KRT85: variants seen among roughly 807,000 people sequenced by gnomAD.
KRT85 encodes the protein keratin 85, also known as keratin, type II cuticular Hb5.
Under a neutral mutation model 53.7 loss-of-function variants are expected in KRT85, and 39 were observed. The observed-to-expected ratio is 0.73, with a 90% confidence interval of 0.56 to 0.95. The LOEUF (loss-of-function observed/expected upper bound fraction) is 0.95, where lower values mean the gene tolerates loss of function less well. Ranked by LOEUF, KRT85 falls within the 40% of genes least tolerant of loss-of-function variation. KRT85 has a pLI of 0.00. For missense variants in KRT85, 668 were observed against 686.0 expected (o/e 0.97, Z 0.29); for synonymous variants, 291 against 277.5 (o/e 1.05, Z -0.48).
chr12:52,364,341 C>T lies in KRT85; in HGVS notation c.655G>A (p.Ala219Thr). 6.2e-7 allele frequency: 1 copy of T among 1,614,196 alleles called. No homozygotes were observed. Among genetic ancestry groups the T allele is most frequent in the South Asian group, 1.1e-5 (1 of 91,080 alleles). The stretch of plus-strand genomic sequence containing the variant: ...ACGACAAACTCATTCTCTGCTGTGG[C>T]TCTCAGGGCCACCTCCTCTTCATAC... ...KKYEEEVALRATAENEFVVLK... is the reference protein window; with the variant it reads ...KKYEEEVALRTTAENEFVVLK... The change falls in exon 3 of 9, where the codon GCC becomes ACC. Residue 219 changes from alanine (A) to threonine (T), a missense_variant. Ala to Thr is a moderately conservative substitution (Grantham distance 58). Around this residue, in one of 3 missense-constraint regions of KRT85, gnomAD observed 488 missense variants for 498.1 expected, o/e 0.98. Coordinates refer to ENST00000257901, the MANE Select transcript of KRT85 (RefSeq NM_002283.4).
chr12:52,365,036 G>T lies in KRT85; in HGVS notation c.555C>A (p.Cys185Ter). 6.2e-7 allele frequency: 1 copy of T among 1,613,376 alleles called. No individual in the cohort carries two copies. The highest frequency in any genetic ancestry group is 8.5e-7 in the Non-Finnish European group (1 of 1,180,024). ...YIETLRREAE[C>*]VEADSGRLAS... Reference sequence around the variant, plus strand: ...CCAGCCTCCCGCTGTCGGCCTCCACGCACTCGGCCTCCCGCCGCAGAGTCT... The same window carrying T: ...CCAGCCTCCCGCTGTCGGCCTCCACTCACTCGGCCTCCCGCCGCAGAGTCT... Residue 185 changes from cysteine (C) to a stop codon, truncating the protein, a stop_gained, in exon 2 of 9, where the codon TGC (cysteine) becomes TGA (stop). Transcript: ENST00000257901. LOFTEE classifies it high-confidence loss of function.
At position 52,360,765 on chromosome 12, in the gene KRT85, C is replaced by G; in HGVS notation, c.*88G>C. 7.1e-7 allele frequency: 1 copy of G among 1,402,554 alleles called. No homozygotes were observed. The allele number at this position is 1,402,554 out of a possible 1,614,324, so 86.9% of individuals were successfully genotyped here. On this transcript the variant is annotated 3_prime_UTR_variant, in exon 9 of 9. Transcript: ENST00000257901. ...AGGAACATCCAGAAGATTCTGGAAG[C>G]AAGCACACATTTTCCATTCACATGC...
chr12:52,364,485 G>T, intron 2 of KRT85, 119 bp from the exon 3 acceptor site: 1 of 1,571,812 alleles, frequency 6.4e-7, no homozygotes, highest in South Asian at 1.2e-5. Flanking sequence ...ATGTTGTCTT[G>T]GCCCCTCCAG....
intron 5 of KRT85, 83 bp from the exon 6 acceptor site, chr12:52,363,062 A>G: frequency 6.2e-7 from 1 of 1,606,624 alleles, no homozygotes; most frequent in Non-Finnish European, 8.5e-7. Context: ...TACAGGTTGT[A>G]CGGTGCTCAG....
At position 52,360,956 on chromosome 12, in the gene KRT85, A is replaced by G; in HGVS notation, c.1421T>C (p.Ile474Thr). The change falls in exon 9 of 9, where the codon ATA (isoleucine) becomes ACA (threonine). Residue 474 changes from isoleucine (I) to threonine (T), a missense_variant. This residue lies in a region of KRT85 where 488 missense variants were observed against 498.1 expected (regional missense o/e 0.98). Transcript: ENST00000257901. The part of the protein sequence containing the change: ...GRQITSGPSA[I>T]GGSITVVAPD... Reference sequence around the variant, plus strand: ...GGCCACCACCGTGATGCTGCCGCCTATGGCTGAGGGGCCAGAAGTGATCTG... The same window carrying G: ...GGCCACCACCGTGATGCTGCCGCCTGTGGCTGAGGGGCCAGAAGTGATCTG... 1.2e-6 allele frequency: 2 copies of G among 1,613,332 alleles called. No individual in the cohort carries two copies. The highest frequency in any genetic ancestry group is 1.7e-6 in the Non-Finnish European group (2 of 1,179,946).
chr12:52,364,671 A>T, intron 2 of KRT85: 1 of 1,437,698 alleles, frequency 7.0e-7, no homozygotes, highest in Non-Finnish European at 9.1e-7. Flanking sequence ...GAGATCACAG[A>T]GCCCATGTCA....
chr12:52,364,887 C>G, intron 2 of KRT85, 75 bp downstream of exon 2: 1 of 1,610,192 alleles, frequency 6.2e-7, no homozygotes, highest in East Asian at 2.2e-5. Flanking sequence ...GAAGCTGTGG[C>G]AAGAGGGCTA....
At chr12:52,364,414 A>G (rs1939242004) in intron 2 of KRT85, 48 bp from the exon 3 acceptor site, 1 of 1,614,002 alleles carries the variant, frequency 6.2e-7, no homozygotes, top group Non-Finnish European at 8.5e-7. Context: ...TGGACCTTGA[A>G]TACCATCCCA....
At position 52,361,013 on chromosome 12, in the gene KRT85, C is replaced by G. The variant is rs935922035; in HGVS notation, c.1364G>C (p.Gly455Ala). The part of the protein sequence containing the change: ...VSSSRGGVSC[G>A]GLSYSTTPGR... Reference sequence around the variant, plus strand: ...TGGGGTGGTGCTGTAGGAGAGGCCCCCACAGGAGACTCCACCACGGGAGCT... The same window carrying G: ...TGGGGTGGTGCTGTAGGAGAGGCCCGCACAGGAGACTCCACCACGGGAGCT... Residue 455 changes from glycine to alanine, a missense_variant, in exon 9 of 9, where the codon GGG (glycine) becomes GCG (alanine). This residue lies in a region of KRT85 where 488 missense variants were observed against 498.1 expected (regional missense o/e 0.98). Coordinates refer to ENST00000257901, the MANE Select transcript of KRT85 (RefSeq NM_002283.4). The G allele has an allele frequency of 5.6e-6, 9 of 1,613,344 alleles. No individual in the cohort carries two copies. Among genetic ancestry groups the G allele is most frequent in the African/African-American group, 1.3e-5 (1 of 74,882 alleles).
chr12:52,361,962 G>T (rs555914135), intron 7 of KRT85, among the ~76,000 whole-genome samples: 2 of 152,274 alleles, frequency 1.3e-5, no homozygotes, highest in Admixed American at 1.3e-4. Flanking sequence ...CAGCTCTTCT[G>T]CTTATTAACT....
At chr12:52,365,290 C>A (rs575934446) in intron 1 of KRT85, 120 bp from the exon 2 acceptor site, 2 of 1,100,056 alleles carry the variant, frequency 1.8e-6, no homozygotes, top group Admixed American at 3.9e-5. Flanking sequence ...TGAGTGTCTG[C>A]GGCTCAAGGG....
intron 8 of KRT85, 149 bp from the exon 9 acceptor site, chr12:52,361,195 T>A: frequency 1.2e-6 from 1 of 818,958 alleles, no homozygotes; most frequent in Non-Finnish European, 2.0e-6. Flanking sequence ...GCACAGCCCA[T>A]CTAGGGAACT....
At position 52,367,315 on chromosome 12, in the gene KRT85, G is replaced by C. The variant is rs752217996; in HGVS notation, c.91C>G (p.Arg31Gly). ...TAGGGGGCGGCGCTGATGCAGCAGC[G>C]GTTGCCAGTTTTGGGGGCCACAGCT... ...CSAVAPKTGN[R>G]CCISAAPYRG... Residue 31 changes from arginine to glycine, a missense_variant, in exon 1 of 9, where the codon CGC (arginine) becomes GGC (glycine). Around this residue, in one of 3 missense-constraint regions of KRT85, gnomAD observed 158 missense variants for 141.8 expected, o/e 1.11. Transcript: ENST00000257901. 3.7e-6 allele frequency: 6 copies of C among 1,613,932 alleles called. No homozygotes were observed. In the Admixed American group the frequency reaches 8.3e-5, roughly 22 times the overall value.
rs1041253015 is a variant in KRT85 at position 52,360,807 on chromosome 12, G to T, written c.*46C>A. On this transcript the variant is annotated 3_prime_UTR_variant, in exon 9 of 9. Coordinates refer to ENST00000257901, the MANE Select transcript of KRT85 (RefSeq NM_002283.4). ...TTCACATGCCATTCAGTGCAGTGAT[G>T]CAGGCAGGCAGGTGCTTGGCAGGAA... The T allele has an allele frequency of 2.6e-6, 4 of 1,553,240 alleles. No homozygotes were observed. In the African/African-American group the frequency reaches 5.4e-5, roughly 21 times the overall value.
intron 5 of KRT85, 31 bp from the exon 6 acceptor site, chr12:52,363,010 A>C (rs1191420707): frequency 6.2e-7 from 1 of 1,614,100 alleles, no homozygotes; most frequent in East Asian, 2.2e-5. Context: ...CATGAGGCTC[A>C]GGGTGGGGCC....
At position 52,362,286 on chromosome 12, in the gene KRT85, G is replaced by T; in HGVS notation, c.1263C>A (p.Ala421=). ...CGCCCTCCAGCAGGCGCCTGTAGGT[G>T]GCGATCTCGATGTCCAGGCCCAGCT... The part of the protein sequence containing the change: ...NSKLGLDIEI[A]TYRRLLEGEE... Residue 421 remains alanine (A), a synonymous_variant, in exon 7 of 9, where the codon GCC becomes GCA. Transcript: ENST00000257901. The T allele has an allele frequency of 6.2e-7, 1 of 1,614,158 alleles. No individual in the cohort carries two copies.
At chr12:52,365,977 C>T (rs1262198855) in intron 1 of KRT85, among the ~76,000 whole-genome samples, 2 of 152,152 alleles carry the variant, frequency 1.3e-5, no homozygotes, top group East Asian at 1.9e-4. Flanking sequence ...AGAGTGAAAA[C>T]GTGAAGGTGA....
Position 52,360,519 on chromosome 12 carries a change from C to T in KRT85, c.*334G>A, listed in dbSNP as rs1200951737. On this transcript the variant is annotated 3_prime_UTR_variant, in exon 9 of 9. Transcript: ENST00000257901. ...GCCTCCACCCAGAAGGTGGAGCTTC[C>T]GTGCTGACCACCACGCTGGGGGACT... The T allele has an allele frequency of 5.7e-6, 2 of 349,150 alleles. No individual in the cohort carries two copies. Among genetic ancestry groups the T allele is most frequent in the East Asian group, 7.0e-5 (1 of 14,252 alleles). The allele number at this position is 349,150 out of a possible 1,614,324, so 21.6% of individuals were successfully genotyped here.
chr12:52,363,557 G>C (rs778453258), intron 4 of KRT85, 147 bp from the exon 5 acceptor site: 5 of 862,558 alleles, frequency 5.8e-6, no homozygotes, highest in Non-Finnish European at 9.5e-6. Flanking sequence ...CTCATGCACA[G>C]GCTCCTTAAA....
Sources: allele counts gnomAD v4.1 joint callset (sites outside exome capture counted in the v4.1 genomes callset), GRCh38; gene constraint gnomAD v4.1.1; regional missense constraint gnomAD v4.1.1; transcripts MANE v1.5; gene names NCBI Gene and HGNC (gene_info 2026-07-23, HGNC 2026-07-21).